Variants in SIPA1L3 observed in about 807,000 individuals in gnomAD.
SIPA1L3 encodes the protein signal induced proliferation associated 1 like 3.
In SIPA1L3, 59 loss-of-function variants were observed where a neutral mutation model predicts 150.1. That is an observed-to-expected ratio of 0.39 (90% CI 0.32 to 0.49). The LOEUF (loss-of-function observed/expected upper bound fraction) is 0.49, where lower values mean the gene tolerates loss of function less well. SIPA1L3 is among the 20% of genes least tolerant of loss of function. The pLI is 0.86. For missense variants in SIPA1L3, 2,211 were observed against 2,489.5 expected (o/e 0.89, Z 2.38); for synonymous variants, 1,070 against 1,077.6 (o/e 0.99, Z 0.14).
rs1451453339 is a variant in SIPA1L3, at chr19:38,142,684, C to T, written c.3507C>T (p.Tyr1169=). The change falls in exon 12 of 22, where the codon TAC becomes TAT. Residue 1169 remains tyrosine, a synonymous_variant. Coordinates refer to ENST00000222345, the MANE Select transcript of SIPA1L3 (RefSeq NM_015073.3). ...TCTCCACCCCCGGTTCGGCCACCTA[C>T]GTGAGATACAAGCCATCCCCAGAAA... The part of the protein sequence containing the change: ...GSFSTPGSAT[Y]VRYKPSPERY... 4.3e-6 allele frequency: 7 copies of T among 1,614,016 alleles called. No homozygotes were observed. Among genetic ancestry groups the T allele is most frequent in the Middle Eastern group, 1.7e-4 (1 of 6,060 alleles).
chr19:38,103,739 G>A (rs2382972), intron 6 of SIPA1L3, among the ~76,000 whole-genome samples: 1 of 150,676 alleles, frequency 6.6e-6, no homozygotes, highest in African/African-American at 2.4e-5. Context: ...CTGGCTAACA[G>A]GGTGAAACAC....
intron 2 of SIPA1L3, among the ~76,000 whole-genome samples, chr19:38,069,112 G>C (rs1463865356): frequency 6.6e-6 from 1 of 152,130 alleles, no homozygotes; most frequent in Non-Finnish European, 1.5e-5. Context: ...GAAGACAGAA[G>C]ATGCTCAGAG....
chr19:37,926,274 G>A (rs556126888), intron 1 of SIPA1L3, among the ~76,000 whole-genome samples: 2 of 152,264 alleles, frequency 1.3e-5, no homozygotes, highest in Admixed American at 6.5e-5. Flanking sequence ...ACACCAGGGC[G>A]TGAAAACCCC....
intron 10 of SIPA1L3, among the ~76,000 whole-genome samples, chr19:38,132,603 A>G (rs1164414703): frequency 6.6e-6 from 1 of 151,524 alleles, no homozygotes; most frequent in African/African-American, 2.4e-5. Context: ...AAAAAAAGAA[A>G]AAAAGAATTC....
At chr19:38,117,707 C>T (rs554575227) in intron 8 of SIPA1L3, among the ~76,000 whole-genome samples, 1 of 152,228 alleles carries the variant, frequency 6.6e-6, no homozygotes, top group Non-Finnish European at 1.5e-5. Flanking sequence ...CAGCTTTCTC[C>T]ACAAGTTCCT....
chr19:37,938,961 T>G (rs1422465590), intron 1 of SIPA1L3, among the ~76,000 whole-genome samples: 3 of 152,144 alleles, frequency 2.0e-5, no homozygotes, highest in East Asian at 3.9e-4. Flanking sequence ...TAGGTGTTCT[T>G]TATATACTGT....
chr19:38,055,007 G>A (rs1969284925), intron 2 of SIPA1L3, among the ~76,000 whole-genome samples: 1 of 152,232 alleles, frequency 6.6e-6, no homozygotes, highest in South Asian at 2.1e-4. Context: ...CAAAGCCAGT[G>A]CTTGTAACTG....
intron 1 of SIPA1L3, among the ~76,000 whole-genome samples, chr19:37,938,718 G>A (rs1273783132): frequency 1.3e-5 from 2 of 151,196 alleles, no homozygotes; most frequent in African/African-American, 4.9e-5. Flanking sequence ...CACCTGCTGG[G>A]TTCAAGCAAT....
intron 1 of SIPA1L3, among the ~76,000 whole-genome samples, chr19:38,010,537 C>G (rs898247255): frequency 6.6e-6 from 1 of 152,012 alleles, no homozygotes; most frequent in Non-Finnish European, 1.5e-5. Flanking sequence ...ATGGCGAAAC[C>G]CTGTCTCTAC....
chr19:37,929,571 C>G (rs2046534855), intron 1 of SIPA1L3, among the ~76,000 whole-genome samples: 1 of 152,188 alleles, frequency 6.6e-6, no homozygotes, highest in Non-Finnish European at 1.5e-5. Context: ...GATGAGGCAG[C>G]AGTCTGAAGG....
At chr19:37,919,726 T>C (rs1168943154) in intron 1 of SIPA1L3, among the ~76,000 whole-genome samples, 1 of 149,638 alleles carries the variant, frequency 6.7e-6, no homozygotes, top group East Asian at 2.0e-4. Flanking sequence ...TTTTTTTTTT[T>C]TGAGACAGAG....
intron 13 of SIPA1L3, among the ~76,000 whole-genome samples, chr19:38,154,584 A>G (rs1971899786): frequency 6.6e-6 from 1 of 152,044 alleles, no homozygotes; most frequent in Admixed American, 6.6e-5. Flanking sequence ...AGTAGCTGAG[A>G]CTACAGACAT....
intron 1 of SIPA1L3, among the ~76,000 whole-genome samples, chr19:37,950,909 C>T (rs983484018): frequency 3.3e-5 from 5 of 152,244 alleles, no homozygotes; most frequent in Non-Finnish European, 5.9e-5. Context: ...CCTGGGGAAT[C>T]TTGGTAACAG....
chr19:37,995,081 G>T (rs1362958788), intron 1 of SIPA1L3, among the ~76,000 whole-genome samples: 2 of 152,246 alleles, frequency 1.3e-5, no homozygotes, highest in South Asian at 4.1e-4. Flanking sequence ...TAGGGGAAAG[G>T]TTTCCTCTTC....
chr19:38,127,550 GCA>G lies in SIPA1L3; in HGVS notation c.2869-2945_2869-2944del, dbSNP rs1353290807. On this transcript the variant is annotated intron_variant, in intron 9 of 21. Coordinates refer to ENST00000222345, the MANE Select transcript of SIPA1L3 (RefSeq NM_015073.3). ...GTGTCACCCCGGCTGGAGTGCAGTG[GCA>G]CAGTCATCGCTCACTGCAGTGTCAC... Among the ~76,000 whole-genome samples, 3 of 152,202 alleles carry G rather than the reference GCA, an allele frequency of 2.0e-5. No individual in the cohort carries two copies. In the East Asian group the frequency reaches 5.8e-4, roughly 29 times the overall value.
intron 1 of SIPA1L3, among the ~76,000 whole-genome samples, chr19:37,982,481 G>A (rs996150943): frequency 6.6e-6 from 1 of 152,234 alleles, no homozygotes; most frequent in Non-Finnish European, 1.5e-5. Context: ...GCGGTTACTT[G>A]AGTGAACTCA....
chr19:37,954,541 G>A (rs2046792197), intron 1 of SIPA1L3, among the ~76,000 whole-genome samples: 1 of 152,100 alleles, frequency 6.6e-6, no homozygotes. Flanking sequence ...TTAGGAAGAG[G>A]AACTTGTGGA....
At chr19:38,155,721 T>C (rs1194759230) in intron 13 of SIPA1L3, among the ~76,000 whole-genome samples, 2 of 152,110 alleles carry the variant, frequency 1.3e-5, no homozygotes, top group Non-Finnish European at 2.9e-5. Flanking sequence ...CCCCAGATGC[T>C]GTGGGGTACG....
chr19:38,125,181 G>A (rs748655711), intron 9 of SIPA1L3, among the ~76,000 whole-genome samples: 88 of 152,032 alleles, frequency 5.8e-4, no homozygotes, highest in Admixed American at 1.4e-3. Context: ...GACTACAGGC[G>A]CCCGCCACCA....
Sources: gnomAD v4.1 joint callset for allele counts (sites outside exome capture counted in the v4.1 genomes callset) on GRCh38, gnomAD v4.1.1 for gene constraint, MANE v1.5 for transcripts, NCBI Gene and HGNC (gene_info 2026-07-23, HGNC 2026-07-21) for gene names.